Variants in PPARGC1A observed in about 807,000 individuals in gnomAD.
PPARGC1A encodes PPARG coactivator 1 alpha.
A neutral mutation model predicts 88.7 loss-of-function variants in PPARGC1A; 25 were observed. That is an observed-to-expected ratio of 0.28 (90% confidence interval 0.21 to 0.39). The LOEUF is 0.39. Among genes scored for constraint, PPARGC1A ranks in the 10% least tolerant of loss-of-function variants. PPARGC1A has a pLI of 1.00. For synonymous variants in PPARGC1A, 363 were observed against 355.6 expected (o/e 1.02, Z -0.24); for missense variants, 880 against 968.7 (o/e 0.91, Z 1.22).
At chr4:23,850,543 T>C (rs1729101484) in intron 2 of PPARGC1A, among the ~76,000 whole-genome samples, 3 of 152,224 alleles carry the variant, frequency 2.0e-5, no homozygotes. Flanking sequence ...GGATACATGA[T>C]CTTTAATGAT....
At chr4:24,250,899 C>G in the PPARGC1A span, among the ~76,000 whole-genome samples, 1 of 152,334 alleles carries the variant, frequency 6.6e-6, no homozygotes, top group South Asian at 2.1e-4. Context: ...AGGCAGTAGT[C>G]TCCCATGGTA....
chr4:23,824,248 C>A, intron 7 of PPARGC1A, 32 bp downstream of exon 7: 1 of 1,566,228 alleles, frequency 6.4e-7, no homozygotes, highest in Middle Eastern at 1.7e-4. Flanking sequence ...CAGACAGACA[C>A]ACACAAGTTC....
the PPARGC1A span, among the ~76,000 whole-genome samples, chr4:24,227,079 CTTCTTTTTTTTTT>C: frequency 2.0e-5 from 3 of 151,892 alleles, no homozygotes; most frequent in African/African-American, 7.3e-5. Flanking sequence ...GGTTCTAACA[CTTCTTTTTTTTTT>C]TTCTTTTTTG....
the PPARGC1A span, among the ~76,000 whole-genome samples, chr4:24,073,105 G>A: frequency 1.3e-5 from 2 of 152,096 alleles, no homozygotes; most frequent in South Asian, 2.1e-4. Context: ...CTAGTGGCAC[G>A]ATCTCAGTTC....
At chr4:24,323,764 C>G in the PPARGC1A span, among the ~76,000 whole-genome samples, 1 of 152,272 alleles carries the variant, frequency 6.6e-6, no homozygotes, top group South Asian at 2.1e-4. Context: ...GGAGATCAAT[C>G]CCCCATCCTC....
the PPARGC1A span, among the ~76,000 whole-genome samples, chr4:23,967,842 G>C: frequency 6.6e-6 from 1 of 152,140 alleles, no homozygotes. Flanking sequence ...GTGTGAAGCG[G>C]TGTGCAAGGG....
At chr4:23,852,669 A>G (rs1186969018) in intron 2 of PPARGC1A, among the ~76,000 whole-genome samples, 2 of 152,122 alleles carry the variant, frequency 1.3e-5, no homozygotes, top group Non-Finnish European at 2.9e-5. Flanking sequence ...TTAAGATCCT[A>G]TTCGAGTTCT....
At chr4:24,224,500 A>G in the PPARGC1A span, among the ~76,000 whole-genome samples, 1 of 152,156 alleles carries the variant, frequency 6.6e-6, no homozygotes, top group Admixed American at 6.5e-5. Context: ...CTAACACAAT[A>G]CCTGGTCTGG....
chr4:24,069,486 A>G, the PPARGC1A span, among the ~76,000 whole-genome samples: 2 of 152,208 alleles, frequency 1.3e-5, no homozygotes, highest in African/African-American at 4.8e-5. Context: ...TTAGCTTAGC[A>G]TAAGATGAAT....
chr4:24,468,769 ATTAT>A, the PPARGC1A span, among the ~76,000 whole-genome samples: 1 of 151,592 alleles, frequency 6.6e-6, no homozygotes, highest in Non-Finnish European at 1.5e-5. Context: ...CTCCATCTTC[ATTAT>A]TTTTTTTTTA....
chr4:23,997,937 C>A, the PPARGC1A span, among the ~76,000 whole-genome samples: 1 of 152,134 alleles, frequency 6.6e-6, no homozygotes, highest in African/African-American at 2.4e-5. Context: ...CTTTATCGTT[C>A]CCTGGAGTAT....
the PPARGC1A span, among the ~76,000 whole-genome samples, chr4:24,052,397 G>A: frequency 6.6e-6 from 1 of 152,072 alleles, no homozygotes; most frequent in African/African-American, 2.4e-5. Flanking sequence ...AGCACTTTGG[G>A]AGGCTGAGGC....
chr4:23,883,953 T>C (rs1213587590), intron 2 of PPARGC1A: 6 of 152,180 alleles, frequency 3.9e-5, no homozygotes, highest in Non-Finnish European at 8.8e-5. Context: ...GCGGTTGTGA[T>C]AAAGAAAACT....
chr4:23,975,610 G>T, the PPARGC1A span, among the ~76,000 whole-genome samples: 3 of 152,088 alleles, frequency 2.0e-5, no homozygotes, highest in South Asian at 2.1e-4. Flanking sequence ...TAGAGACAGG[G>T]TTTCACGATG....
the PPARGC1A span, among the ~76,000 whole-genome samples, chr4:24,284,129 CA>C: frequency 0.41 from 48,050 of 117,890 alleles, 8,998 homozygotes; most frequent in Non-Finnish European, 0.48. Context: ...CTAAAAATAC[CA>C]AAAAAAAAAA....
chr4:23,813,583 G>T, intron 8 of PPARGC1A, 107 bp downstream of exon 8: 2 of 1,028,138 alleles, frequency 1.9e-6, no homozygotes, highest in South Asian at 1.8e-5. Context: ...AATTGCAGTG[G>T]TCAGGGGCCA....
the PPARGC1A span, among the ~76,000 whole-genome samples, chr4:24,444,299 C>G: frequency 6.6e-6 from 1 of 152,156 alleles, no homozygotes; most frequent in Non-Finnish European, 1.5e-5. Context: ...TTCCAAAGTG[C>G]TGGGATTACA....
the PPARGC1A span, among the ~76,000 whole-genome samples, chr4:24,036,356 T>C: frequency 6.6e-6 from 1 of 152,206 alleles, no homozygotes; most frequent in Non-Finnish European, 1.5e-5. Context: ...GCTAAACACA[T>C]GCCTACCCTA....
chr4:24,204,101 C>T, the PPARGC1A span, among the ~76,000 whole-genome samples: 3 of 152,102 alleles, frequency 2.0e-5, no homozygotes, highest in African/African-American at 7.2e-5. Flanking sequence ...AGTTAGAAAA[C>T]TTGCACAATC....
Sources: gnomAD v4.1 joint callset for allele counts (sites outside exome capture counted in the v4.1 genomes callset) on GRCh38, gnomAD v4.1.1 for gene constraint, MANE v1.5 for transcripts, NCBI Gene and HGNC (gene_info 2026-07-23, HGNC 2026-07-21) for gene names.